PATL2: variants seen among roughly 807,000 people sequenced by gnomAD.
PATL2 encodes the protein PAT1 homolog 2.
A neutral mutation model predicts 77.0 loss-of-function variants in PATL2; 73 were observed. The ratio of observed to expected loss-of-function variants is 0.95; its 90% confidence interval spans 0.78 to 1.15. The LOEUF (loss-of-function observed/expected upper bound fraction) is 1.15, where lower values mean the gene tolerates loss of function less well. Among genes scored for constraint, PATL2 ranks in the 50% most tolerant of loss-of-function variants. PATL2 has a pLI of 0.00. For synonymous variants in PATL2, 265 were observed against 257.1 expected (o/e 1.03, Z -0.29); for missense variants, 618 against 655.4 (o/e 0.94, Z 0.62).
At chr15:44,706,254 A>G (rs1438237586) in intron 3 of PATL2, among the ~76,000 whole-genome samples, 1 of 152,152 alleles carries the variant, frequency 6.6e-6, no homozygotes, top group Non-Finnish European at 1.5e-5. Flanking sequence ...TATTTATTAT[A>G]GTCTTTGCAG....
In PATL2 at chr15:44,672,201, C is replaced by T. The variant is rs1176570636; in HGVS notation, c.516-45G>A. The stretch of plus-strand genomic sequence containing the variant: ...ACCCTTTAGACTTACCCACCACTGG[C>T]ACTTCCTAAGGAGTGTGGTGAGCAG... On this transcript the variant is annotated intron_variant, in intron 8 of 17. Coordinates refer to ENST00000682850, the MANE Select transcript of PATL2 (RefSeq NM_001387263.1). 3 of 1,551,422 alleles carry T rather than the reference C, an allele frequency of 1.9e-6. No individual in the cohort carries two copies. The African/African-American group carries it at 4.1e-5, about 21-fold the overall frequency.
At position 44,673,220 on chromosome 15, in the gene PATL2, A is replaced by G; in HGVS notation, c.446+15T>C. The G allele has an allele frequency of 6.4e-7, 1 of 1,550,736 alleles. No homozygotes were observed. Among genetic ancestry groups the G allele is most frequent in the Non-Finnish European group, 8.7e-7 (1 of 1,146,798 alleles). On this transcript the variant is annotated intron_variant, in intron 7 of 17. Coordinates refer to ENST00000682850, the MANE Select transcript of PATL2 (RefSeq NM_001387263.1). ...GCACCTCCTGAGACCTCTGGGGAGA[A>G]CCTCAAACCAGTACCTGAACCTAGG...
At chr15:44,677,745 T>G (rs1353872178) in intron 3 of PATL2, among the ~76,000 whole-genome samples, 1 of 152,216 alleles carries the variant, frequency 6.6e-6, no homozygotes, top group Admixed American at 6.5e-5. Context: ...TGATTCTTGG[T>G]GCCTTTAAAG....
rs1275671644 is a variant in PATL2 at position 44,711,300 on chromosome 15, G to C, written c.-534C>G. On this transcript the variant is annotated 5_prime_UTR_variant, in exon 1 of 18. Coordinates refer to ENST00000682850, the MANE Select transcript of PATL2 (RefSeq NM_001387263.1). ...CAAGCTGGGGCGCGCACCCCAGATC[G>C]GAGGGCGCCGATGTACAGACAGCAA... 2 of 604,280 alleles carry C rather than the reference G, an allele frequency of 3.3e-6. No individual in the cohort carries two copies. Among genetic ancestry groups the C allele is most frequent in the South Asian group, 3.8e-5 (2 of 52,648 alleles). 37.4% of individuals were successfully genotyped at this position (604,280 alleles called of 1,614,324 possible).
intron 3 of PATL2, among the ~76,000 whole-genome samples, chr15:44,692,931 G>T (rs1446679767): frequency 4.6e-5 from 7 of 152,230 alleles, no homozygotes; most frequent in Admixed American, 4.6e-4. Context: ...ACTCAGCTCA[G>T]TTTGTGGCAG....
At position 44,669,742 on chromosome 15, in the gene PATL2, G is replaced by A. The variant is rs753948345; in HGVS notation, c.876+35C>T. On this transcript the variant is annotated intron_variant, in intron 11 of 17. Coordinates refer to ENST00000682850, the MANE Select transcript of PATL2 (RefSeq NM_001387263.1). ...ATGTTCTAGACCCTTCTTCCAAAGG[G>A]GAGAGAAAAATGTCTGGGAAGATAG... The A allele has an allele frequency of 5.1e-5, 79 of 1,546,936 alleles. No homozygotes were observed. The Middle Eastern group carries it at 1.3e-3, about 26-fold the overall frequency.
chr15:44,674,477 C>T (rs1415701612), intron 5 of PATL2: 3 of 440,460 alleles, frequency 6.8e-6, no homozygotes, highest in Non-Finnish European at 1.2e-5. Flanking sequence ...TCCGAGACCC[C>T]CAAGGGATGC....
At chr15:44,700,078 T>C (rs569644159) in intron 3 of PATL2, among the ~76,000 whole-genome samples, 25 of 152,282 alleles carry the variant, frequency 1.6e-4, no homozygotes, top group African/African-American at 6.0e-4. Context: ...AATCTGTAGA[T>C]TGCTTTAGGT....
At chr15:44,697,568 T>C (rs2086534271) in intron 3 of PATL2, 1 of 152,214 alleles carries the variant, frequency 6.6e-6, no homozygotes, top group Admixed American at 6.6e-5. Flanking sequence ...GTGTATCTAG[T>C]TCCCCTCACC....
In PATL2 at chr15:44,673,473, C is replaced by T. The variant is rs2085795558; in HGVS notation, c.304-96G>A. 4 of 1,447,108 alleles carry T rather than the reference C, an allele frequency of 2.8e-6. No homozygotes were observed. The East Asian group carries it at 9.9e-5, about 36-fold the overall frequency. The allele number at this position is 1,447,108 out of a possible 1,614,324, so 89.6% of individuals were successfully genotyped here. A position where few individuals can be genotyped will look rare whatever the true frequency, so the allele number is the denominator to read the frequency against. On this transcript the variant is annotated intron_variant, in intron 6 of 17. Coordinates refer to ENST00000682850, the MANE Select transcript of PATL2 (RefSeq NM_001387263.1). The stretch of plus-strand genomic sequence containing the variant: ...CTCAGTTCCTTTCCTACCTTTTCCC[C>T]TCAAGAACTTCACCCAACATTGTGC...
At chr15:44,708,175 G>A (rs1036935513) in intron 3 of PATL2, among the ~76,000 whole-genome samples, 16 of 152,302 alleles carry the variant, frequency 1.1e-4, no homozygotes, top group Non-Finnish European at 2.1e-4. Flanking sequence ...TCAGTGATAC[G>A]AAGTTAAAAC....
rs779813875 is a variant in PATL2 at position 44,669,346 on chromosome 15, T to C, written c.998A>G (p.Glu333Gly). 3.3e-5 allele frequency: 51 copies of C among 1,551,492 alleles called. No homozygotes were observed. In the East Asian group the frequency reaches 1.1e-3, roughly 32 times the overall value. Residue 333 changes from glutamate (E) to glycine (G), a missense_variant, in exon 13 of 18, where the codon GAG (glutamate) becomes GGG (glycine). Glu to Gly is a moderately conservative substitution (Grantham distance 98). Coordinates refer to ENST00000682850, the MANE Select transcript of PATL2 (RefSeq NM_001387263.1). ...KYRPPPPCFSEQQSNQVEKLF... is the reference protein window; with the variant it reads ...KYRPPPPCFSGQQSNQVEKLF... ...CTTCTCAACCTGGTTGCTTTGCTGC[T>C]CAGAAAAGCAGGGCGGTGGAGGCCT...
At chr15:44,684,485 GA>G (rs1269015002) in intron 3 of PATL2, among the ~76,000 whole-genome samples, 3 of 151,474 alleles carry the variant, frequency 2.0e-5, no homozygotes, top group African/African-American at 7.3e-5. Flanking sequence ...TCAAGCAGAA[GA>G]AGGAATACCG....
chr15:44,673,500 A>G, intron 6 of PATL2, 123 bp from the exon 7 acceptor site: 1 of 1,289,420 alleles, frequency 7.8e-7, no homozygotes, highest in Non-Finnish European at 1.1e-6. Flanking sequence ...ACATTGTGCC[A>G]TCTTGTGAGT....
At chr15:44,699,197 T>C (rs1257099924) in intron 3 of PATL2, among the ~76,000 whole-genome samples, 1 of 152,328 alleles carries the variant, frequency 6.6e-6, no homozygotes, top group East Asian at 1.9e-4. Flanking sequence ...TTCTGTAGGC[T>C]ATCTCTTCTC....
rs563454186 is a variant in PATL2 at position 44,701,694 on chromosome 15, G to C, written c.-76+8402C>G. Among the ~76,000 whole-genome samples, 17 of 115,332 alleles carry C rather than the reference G, an allele frequency of 1.5e-4. No individual in the cohort carries two copies. In the East Asian group the frequency reaches 4.4e-3, roughly 30 times the overall value. 75.7% of individuals were successfully genotyped at this position (115,332 alleles called of 152,430 possible). A position where few individuals can be genotyped will look rare whatever the true frequency, so the allele number is the denominator to read the frequency against. On this transcript the variant is annotated intron_variant, in intron 3 of 17. Coordinates refer to ENST00000682850, the MANE Select transcript of PATL2 (RefSeq NM_001387263.1). ...AGCCTGGGTGACAGAGTGAGACCCT[G>C]TCTCAAAAAAAAAAAAAAAAAAAAA...
intron 9 of PATL2, 62 bp downstream of exon 9, chr15:44,671,953 C>T (rs921592186): frequency 1.1e-5 from 17 of 1,536,024 alleles, no homozygotes; most frequent in Non-Finnish European, 1.4e-5. Flanking sequence ...TCAGAGCGGG[C>T]CCGGGAGTCC....
chr15:44,703,723 C>CTT (rs933165876), intron 3 of PATL2, among the ~76,000 whole-genome samples: 353 of 33,018 alleles, frequency 0.011, 51 homozygotes, highest in African/African-American at 0.013. Context: ...CCGGGTCTTG[C>CTT]TTTTTTTTTT....
intron 3 of PATL2, among the ~76,000 whole-genome samples, chr15:44,684,809 G>T (rs2086217182): frequency 6.6e-6 from 1 of 152,162 alleles, no homozygotes; most frequent in Non-Finnish European, 1.5e-5. Context: ...ATCCACCAAG[G>T]TTGAAATGAA....
Sources: allele counts gnomAD v4.1 joint callset (sites outside exome capture counted in the v4.1 genomes callset), GRCh38; gene constraint gnomAD v4.1.1; transcripts MANE v1.5; gene names NCBI Gene and HGNC (gene_info 2026-07-23, HGNC 2026-07-21).